CHRM3: variants seen among roughly 807,000 people sequenced by gnomAD.
CHRM3 encodes the protein cholinergic receptor muscarinic 3, also known as muscarinic acetylcholine receptor M3.
In CHRM3, 11 loss-of-function variants were observed where a neutral mutation model predicts 41.8. The observed-to-expected ratio is 0.26, with a 90% CI of 0.17 to 0.44. The LOEUF (loss-of-function observed/expected upper bound fraction) is 0.44. Ranked by LOEUF, CHRM3 falls within the 20% of genes least tolerant of loss-of-function variation. The pLI is 1.00. For missense variants in CHRM3, 571 were observed against 745.4 expected, an observed-to-expected ratio of 0.77 and a Z score of 2.72; for synonymous variants, 297 against 301.4, an observed-to-expected ratio of 0.99 and a Z score of 0.15.
At chr1:239,844,026 T>C (rs896350923) in intron 6 of CHRM3, among the ~76,000 whole-genome samples, 1 of 152,220 alleles carries the variant, frequency 6.6e-6, no homozygotes, top group African/African-American at 2.4e-5. Context: ...GTGAAATGGC[T>C]AAATCAAGCT....
At chr1:239,837,196 A>G (rs1480068789) in intron 6 of CHRM3, among the ~76,000 whole-genome samples, 4 of 152,188 alleles carry the variant, frequency 2.6e-5, no homozygotes, top group Admixed American at 2.6e-4. Context: ...CAGGGAGACC[A>G]CGTCTTACTT....
At chr1:239,656,781 T>G (rs796951081) in intron 4 of CHRM3, among the ~76,000 whole-genome samples, 1 of 152,164 alleles carries the variant, frequency 6.6e-6, no homozygotes, top group Non-Finnish European at 1.5e-5. Flanking sequence ...TTATAAAACA[T>G]GATTTTCCAA....
intron 5 of CHRM3, among the ~76,000 whole-genome samples, chr1:239,810,057 T>G (rs1183647537): frequency 1.3e-5 from 2 of 152,170 alleles, no homozygotes; most frequent in Non-Finnish European, 2.9e-5. Context: ...AGGCCGCGTA[T>G]GGAATGCAGC....
intron 1 of CHRM3, among the ~76,000 whole-genome samples, chr1:239,455,785 G>GA (rs1664887992): frequency 6.6e-6 from 1 of 152,052 alleles, no homozygotes; most frequent in Admixed American, 6.6e-5. Context: ...ACTGAAAGAA[G>GA]AAAAAAATTT....
chr1:239,475,952 C>A (rs184448982), intron 1 of CHRM3, among the ~76,000 whole-genome samples: 49 of 152,142 alleles, frequency 3.2e-4, no homozygotes, highest in African/African-American at 1.2e-3. Flanking sequence ...CATTTGGTCT[C>A]CCCCAATCAT....
At chr1:239,643,464 G>A (rs2148932947) in intron 4 of CHRM3, among the ~76,000 whole-genome samples, 1 of 152,334 alleles carries the variant, frequency 6.6e-6, no homozygotes, top group South Asian at 2.1e-4. Context: ...AAGCAAGCCT[G>A]GGCAATGGTG....
chr1:239,513,980 G>T (rs1370723737), intron 2 of CHRM3, among the ~76,000 whole-genome samples: 7 of 151,874 alleles, frequency 4.6e-5, no homozygotes, highest in Non-Finnish European at 8.8e-5. Context: ...TCTTTTTTCT[G>T]TTCTTTTGAT....
At chr1:239,898,245 G>T (rs1191171968) in intron 6 of CHRM3, 1 of 152,226 alleles carries the variant, frequency 6.6e-6, no homozygotes, top group African/African-American at 2.4e-5. Flanking sequence ...CTAAGCTGAA[G>T]TTCCTGGTCA....
At chr1:239,420,256 C>T (rs1352679635) in intron 1 of CHRM3, among the ~76,000 whole-genome samples, 1 of 152,206 alleles carries the variant, frequency 6.6e-6, no homozygotes, top group African/African-American at 2.4e-5. Flanking sequence ...TGTTTCTCCT[C>T]CTTATTTACA....
At chr1:239,638,831 C>T (rs1400301760) in intron 4 of CHRM3, among the ~76,000 whole-genome samples, 2 of 152,216 alleles carry the variant, frequency 1.3e-5, no homozygotes, top group South Asian at 2.1e-4. Context: ...GACATGAAGT[C>T]CTTGCCCATG....
chr1:239,414,773 G>A (rs111329650), intron 1 of CHRM3, among the ~76,000 whole-genome samples: 31 of 152,320 alleles, frequency 2.0e-4, no homozygotes, highest in African/African-American at 7.0e-4. Flanking sequence ...GTGGTGAGTA[G>A]TGAGATTCTA....
chr1:239,836,646 G>A (rs1284134056), intron 6 of CHRM3, among the ~76,000 whole-genome samples: 1 of 152,138 alleles, frequency 6.6e-6, no homozygotes, highest in African/African-American at 2.4e-5. Flanking sequence ...AATGTGTGCA[G>A]TAATCAGTAA....
chr1:239,880,615 C>T (rs1677506484), intron 6 of CHRM3, among the ~76,000 whole-genome samples: 1 of 152,164 alleles, frequency 6.6e-6, no homozygotes, highest in African/African-American at 2.4e-5. Flanking sequence ...CCTCAGCCTC[C>T]TGAGTAGCTC....
rs143930527 is a variant in CHRM3, at chr1:239,413,780, C to T, written c.-521+26553C>T. ...TTTTTGAAAAGTTAGCATAGTTCTG[C>T]GGTGTGGAGAAAGTTAGCATAGTTC... On this transcript the variant is annotated intron_variant, in intron 1 of 6. Transcript: ENST00000676153. 4.3e-3 allele frequency among the ~76,000 whole-genome samples: 648 copies of T among 152,172 alleles called. 5 individuals carry two copies. Among genetic ancestry groups the T allele is most frequent in the African/African-American group, 0.015 (615 of 41,512 alleles).
chr1:239,457,348 G>A (rs188508829), intron 1 of CHRM3, among the ~76,000 whole-genome samples: 66 of 152,088 alleles, frequency 4.3e-4, no homozygotes, highest in African/African-American at 1.5e-3. Context: ...GTTTTTATTG[G>A]GATTGTAGTT....
chr1:239,813,779 T>C (rs888075313), intron 5 of CHRM3, among the ~76,000 whole-genome samples: 2 of 126,888 alleles, frequency 1.6e-5, no homozygotes, highest in Admixed American at 1.5e-4. Flanking sequence ...TAGCCGGGCG[T>C]AGTGGCGGGC....
chr1:239,840,353 G>A (rs1673692396), intron 6 of CHRM3, among the ~76,000 whole-genome samples: 1 of 152,120 alleles, frequency 6.6e-6, no homozygotes, highest in Non-Finnish European at 1.5e-5. Flanking sequence ...CTCATCAGTG[G>A]CCTGCAGCAC....
chr1:239,587,320 C>T (rs879803164), intron 3 of CHRM3, among the ~76,000 whole-genome samples: 1 of 152,144 alleles, frequency 6.6e-6, no homozygotes, highest in Non-Finnish European at 1.5e-5. Flanking sequence ...GTGGTAATAA[C>T]AAAGCCACAT....
intron 2 of CHRM3, among the ~76,000 whole-genome samples, chr1:239,528,956 C>G (rs1269483791): frequency 2.0e-5 from 3 of 152,014 alleles, no homozygotes; most frequent in Admixed American, 6.6e-5. Flanking sequence ...TATTTTTTTC[C>G]AGAATAACCC....
Sources: gnomAD v4.1 joint callset for allele counts (sites outside exome capture counted in the v4.1 genomes callset) on GRCh38, gnomAD v4.1.1 for gene constraint, MANE v1.5 for transcripts, NCBI Gene and HGNC (gene_info 2026-07-23, HGNC 2026-07-21) for gene names.